ARHGAP32: variants seen among roughly 807,000 people sequenced by gnomAD.
ARHGAP32 encodes the protein Rho GTPase activating protein 32.
Under a neutral mutation model 186.5 loss-of-function variants are expected in ARHGAP32, and 51 were observed. The observed-to-expected ratio is 0.27, with a 90% CI of 0.22 to 0.35. The LOEUF is 0.35. Among genes scored for constraint, ARHGAP32 ranks in the 10% least tolerant of loss-of-function variants. ARHGAP32 has a pLI of 1.00. For synonymous variants in ARHGAP32, 950 were observed against 964.3 expected, an observed-to-expected ratio of 0.99 and a Z score of 0.27; for missense variants, 2,186 against 2,623.5, an observed-to-expected ratio of 0.83 and a Z score of 3.64.
intron 6 of ARHGAP32, among the ~76,000 whole-genome samples, chr11:129,082,357 C>T (rs771891769): frequency 2.0e-5 from 3 of 152,102 alleles, no homozygotes; most frequent in Admixed American, 2.0e-4. Flanking sequence ...TCAAACTACA[C>T]TATAAGGCCA....
intron 10 of ARHGAP32, among the ~76,000 whole-genome samples, chr11:129,047,145 A>T (rs1252729260): frequency 1.3e-5 from 2 of 151,714 alleles, no homozygotes; most frequent in Admixed American, 6.6e-5. Context: ...AAAAAAAAAA[A>T]TTCTCTTCTA....
At chr11:129,205,234 T>C (rs948128217) in intron 1 of ARHGAP32, among the ~76,000 whole-genome samples, 1 of 152,138 alleles carries the variant, frequency 6.6e-6, no homozygotes, top group Non-Finnish European at 1.5e-5. Flanking sequence ...AAATGAACAA[T>C]GAATACAAAG....
At chr11:129,126,762 A>C (rs957338181) in intron 2 of ARHGAP32, among the ~76,000 whole-genome samples, 7 of 152,194 alleles carry the variant, frequency 4.6e-5, no homozygotes, top group African/African-American at 1.7e-4. Context: ...AAGGAAATAC[A>C]GTATTCTCCA....
chr11:128,982,137 A>G (rs535536165), intron 15 of ARHGAP32, among the ~76,000 whole-genome samples: 1 of 152,354 alleles, frequency 6.6e-6, no homozygotes, highest in South Asian at 2.1e-4. Context: ...TAGTTTCTGG[A>G]ACAAATAATA....
chr11:129,160,298 G>A (rs1359649584), intron 2 of ARHGAP32, among the ~76,000 whole-genome samples: 1 of 152,192 alleles, frequency 6.6e-6, no homozygotes, highest in African/African-American at 2.4e-5. Context: ...AATAGGAAGA[G>A]AGGAAGTCAA....
chr11:129,079,781 A>C (rs978847807), intron 6 of ARHGAP32, among the ~76,000 whole-genome samples: 2 of 152,198 alleles, frequency 1.3e-5, no homozygotes, highest in Non-Finnish European at 2.9e-5. Context: ...TAAATGGCCT[A>C]AATGCTCCAC....
At chr11:129,036,257 G>GT (rs1325676865) in intron 11 of ARHGAP32, among the ~76,000 whole-genome samples, 1 of 151,884 alleles carries the variant, frequency 6.6e-6, no homozygotes, top group Non-Finnish European at 1.5e-5. Flanking sequence ...GCATATGCCT[G>GT]TAATCCCAGC....
chr11:129,222,373 C>T (rs891081262), intron 1 of ARHGAP32, among the ~76,000 whole-genome samples: 4 of 152,142 alleles, frequency 2.6e-5, no homozygotes, highest in African/African-American at 9.7e-5. Context: ...TTCCCAAGGA[C>T]ACAACGCTAC....
At chr11:129,071,175 T>C (rs966983481) in intron 6 of ARHGAP32, among the ~76,000 whole-genome samples, 2 of 152,018 alleles carry the variant, frequency 1.3e-5, no homozygotes, top group African/African-American at 2.4e-5. Flanking sequence ...AATATTGAAC[T>C]TTCTGCTTAA....
In ARHGAP32 at chr11:129,190,341, T is replaced by A. The variant is rs80349712; in HGVS notation, c.116+1742A>T. The stretch of plus-strand genomic sequence containing the variant: ...AATGCGTGAGAGACACTACATGAAA[T>A]TGGGCCTTGCCCAGACCTCTTTGTT... On this transcript the variant is annotated intron_variant, in intron 1 of 22. Transcript: ENST00000682385. Among the ~76,000 whole-genome samples the A allele has an allele frequency of 1.2e-4, 18 of 152,316 alleles. No homozygotes were observed. In the East Asian group the frequency reaches 3.5e-3, roughly 29 times the overall value.
At chr11:129,150,510 G>C (rs1943265883) in intron 2 of ARHGAP32, among the ~76,000 whole-genome samples, 1 of 152,152 alleles carries the variant, frequency 6.6e-6, no homozygotes, top group African/African-American at 2.4e-5. Context: ...CAGATTACCA[G>C]CAGATTTGTC....
At chr11:129,051,623 G>C (rs1407011992) in intron 10 of ARHGAP32, among the ~76,000 whole-genome samples, 1 of 151,926 alleles carries the variant, frequency 6.6e-6, no homozygotes, top group Non-Finnish European at 1.5e-5. Flanking sequence ...TTTCTCCTAT[G>C]TTTTCTTCTT....
intron 1 of ARHGAP32, among the ~76,000 whole-genome samples, chr11:129,275,300 G>A (rs1436416085): frequency 1.3e-5 from 2 of 152,194 alleles, no homozygotes; most frequent in East Asian, 3.8e-4. Context: ...GTCAGAGATT[G>A]TGTTAAGCCT....
At chr11:129,246,938 C>A (rs1348918669) in intron 1 of ARHGAP32, among the ~76,000 whole-genome samples, 3 of 152,078 alleles carry the variant, frequency 2.0e-5, no homozygotes, top group Admixed American at 1.3e-4. Context: ...AGTTTGGAAC[C>A]TGATGGTAGC....
intron 2 of ARHGAP32, among the ~76,000 whole-genome samples, chr11:129,160,858 T>C (rs1943513999): frequency 6.6e-6 from 1 of 152,094 alleles, no homozygotes; most frequent in South Asian, 2.1e-4. Context: ...AAGATAATCC[T>C]AAGCAAAAAG....
intron 1 of ARHGAP32, among the ~76,000 whole-genome samples, chr11:129,233,099 G>C (rs749569691): frequency 9.2e-5 from 14 of 151,808 alleles, no homozygotes; most frequent in Non-Finnish European, 1.5e-4. Context: ...TTTTATTGGA[G>C]TATAATATTA....
chr11:129,183,338 A>G (rs1944094263), intron 1 of ARHGAP32, among the ~76,000 whole-genome samples: 1 of 152,142 alleles, frequency 6.6e-6, no homozygotes, highest in Non-Finnish European at 1.5e-5. Context: ...TATTTAGCCA[A>G]GATCAATTTA....
At chr11:129,273,653 C>T (rs1945497123) in intron 1 of ARHGAP32, among the ~76,000 whole-genome samples, 1 of 152,178 alleles carries the variant, frequency 6.6e-6, no homozygotes, top group Admixed American at 6.5e-5. Flanking sequence ...AGATGCTACT[C>T]ATCTTAAGAG....
chr11:129,197,157 T>C (rs552536178), upstream of ARHGAP32, among the ~76,000 whole-genome samples: 17 of 152,208 alleles, frequency 1.1e-4, no homozygotes, highest in Non-Finnish European at 1.8e-4. Context: ...TGGTCCACAT[T>C]CCACTTATTA....
Sources: allele counts gnomAD v4.1 joint callset (sites outside exome capture counted in the v4.1 genomes callset), GRCh38; gene constraint gnomAD v4.1.1; transcripts MANE v1.5; gene names NCBI Gene and HGNC (gene_info 2026-07-23, HGNC 2026-07-21).